The following NUFIP2 variants were observed in gnomAD, a reference collection of about 807,000 sequenced individuals.
The protein encoded by NUFIP2 is FMR1-interacting protein NUFIP2.
NUFIP2 carries 6 observed loss-of-function variants against 56.9 expected under a neutral mutation model. That is an observed-to-expected ratio of 0.11 (90% confidence interval 0.06 to 0.21). The LOEUF (loss-of-function observed/expected upper bound fraction) is 0.21. NUFIP2 is among the 10% of genes least tolerant of loss of function. NUFIP2 has a pLI of 1.00. For missense variants in NUFIP2, 828 were observed against 826.8 expected, an observed-to-expected ratio of 1.00 and a Z score of -0.02; for synonymous variants, 321 against 298.2, an observed-to-expected ratio of 1.08 and a Z score of -0.79.
chr17:29,288,782 A>G (rs1358689480), intron 1 of NUFIP2, among the ~76,000 whole-genome samples: 2 of 152,230 alleles, frequency 1.3e-5, no homozygotes, highest in African/African-American at 4.8e-5. Flanking sequence ...GACTCAAAAG[A>G]TGCAATGAGA....
intron 2 of NUFIP2, among the ~76,000 whole-genome samples, chr17:29,282,531 G>C (rs1430634094): frequency 4.1e-5 from 6 of 147,874 alleles, no homozygotes; most frequent in East Asian, 2.0e-4. Context: ...CTGGGCAACA[G>C]AGCAAGACCC....
chr17:29,282,491 T>C (rs1482997874), intron 2 of NUFIP2, among the ~76,000 whole-genome samples: 2 of 149,584 alleles, frequency 1.3e-5, no homozygotes, highest in Admixed American at 6.7e-5. Flanking sequence ...GAGGTTGCAG[T>C]GAGCCAAGAC....
At chr17:29,293,597 A>AG (rs2069231985) in intron 1 of NUFIP2, among the ~76,000 whole-genome samples, 186 bp downstream of exon 1, 1 of 151,886 alleles carries the variant, frequency 6.6e-6, no homozygotes, top group South Asian at 2.1e-4. Context: ...GCTGGAGGGA[A>AG]GGAGAGGGCG....
At chr17:29,292,130 T>C (rs2069217817) in intron 1 of NUFIP2, among the ~76,000 whole-genome samples, 1 of 152,198 alleles carries the variant, frequency 6.6e-6, no homozygotes, top group African/African-American at 2.4e-5. Context: ...CCTCAATTTC[T>C]CGTTTATTAA....
intron 1 of NUFIP2, among the ~76,000 whole-genome samples, chr17:29,289,969 G>T (rs574574777): frequency 6.6e-6 from 1 of 152,116 alleles, no homozygotes; most frequent in South Asian, 2.1e-4. Flanking sequence ...TGTGGCCCAG[G>T]TTGAAGTGCA....
chr17:29,267,369 T>C lies in NUFIP2; in HGVS notation c.2035+129A>G, dbSNP rs1032636934. On this transcript the variant is annotated intron_variant, in intron 3 of 3. Transcript: ENST00000225388. ...CTGCCCAGCTGCTAGTGCCTTTTGA[T>C]TGCAGTTATTAAATAACTCAAAATA... is the stretch of plus-strand genomic sequence containing the variant. The C allele has an allele frequency of 1.0e-5, 6 of 583,570 alleles. No homozygotes were observed. In the African/African-American group the frequency reaches 1.2e-4, roughly 11 times the overall value. 36.1% of individuals were successfully genotyped at this position (583,570 alleles called of 1,614,324 possible). A position where few individuals can be genotyped will look rare whatever the true frequency, so the allele number is the denominator to read the frequency against.
chr17:29,294,099 C>T lies in NUFIP2; in HGVS notation c.-40G>A, dbSNP rs189004421. On this transcript the variant is annotated 5_prime_UTR_variant, in exon 1 of 4. Coordinates refer to ENST00000225388, the MANE Select transcript of NUFIP2 (RefSeq NM_020772.3). The stretch of plus-strand genomic sequence containing the variant: ...ACTCCCTGGCTGAGGCTGCGGGCTG[C>T]TGCACCGTCAGGATCTGAGACTGCT... The T allele has an allele frequency of 6.5e-5, 101 of 1,561,080 alleles. 1 individual carries two copies. The East Asian group carries it at 2.1e-3, about 32-fold the overall frequency.
At chr17:29,272,017 G>A (rs1400519051) in intron 2 of NUFIP2, among the ~76,000 whole-genome samples, 1 of 132,196 alleles carries the variant, frequency 7.6e-6, no homozygotes, top group African/African-American at 2.8e-5. Context: ...AGATTGCAGT[G>A]AGCCCAGATC....
chr17:29,271,890 G>GTGAA, intron 2 of NUFIP2, among the ~76,000 whole-genome samples: 1 of 152,008 alleles, frequency 6.6e-6, no homozygotes, highest in East Asian at 1.9e-4. Flanking sequence ...GACCAACATG[G>GTGAA]TGAAATCCCA....
At chr17:29,290,150 G>A (rs2069202300) in intron 1 of NUFIP2, among the ~76,000 whole-genome samples, 1 of 151,988 alleles carries the variant, frequency 6.6e-6, no homozygotes, top group Non-Finnish European at 1.5e-5. Context: ...CTCCCAAAGT[G>A]CTGGGATTAC....
rs2068968300 is a variant in NUFIP2, at chr17:29,255,863, C to T, written c.*8676G>A. ...AGAAACTTTAAAATTTTTTATTCAA[C>T]AATGTACACTTATTGTCTCTCAATT... On this transcript the variant is annotated 3_prime_UTR_variant, in exon 4 of 4. Coordinates refer to ENST00000225388, the MANE Select transcript of NUFIP2 (RefSeq NM_020772.3). 1 of 152,134 alleles carries T rather than the reference C, an allele frequency of 6.6e-6. No individual in the cohort carries two copies. The highest frequency in any genetic ancestry group is 1.5e-5 in the Non-Finnish European group (1 of 68,002). The allele number at this position is 152,134 out of a possible 1,614,324, so 9.4% of individuals were successfully genotyped here.
At position 29,286,815 on chromosome 17, in the gene NUFIP2, T is replaced by C. The variant is rs1164491021; in HGVS notation, c.1179A>G (p.Gln393=). The C allele has an allele frequency of 6.2e-7, 1 of 1,614,180 alleles. No homozygotes were observed. Among genetic ancestry groups the C allele is most frequent in the Non-Finnish European group, 8.5e-7 (1 of 1,180,038 alleles). ...GGACCTGGGATAAGCGACTTGATGA[T>C]TGGGTCTGAGTTTCCCCGGTAGATG... ...SSSSTGETQT[Q]SSSRLSQVPM... The change falls in exon 2 of 4, where the codon CAA becomes CAG. Residue 393 remains glutamine, a synonymous_variant. Coordinates refer to ENST00000225388, the MANE Select transcript of NUFIP2 (RefSeq NM_020772.3).
rs550416785 is a variant in NUFIP2, at chr17:29,291,060, A to C, written c.277+2723T>G. Among the ~76,000 whole-genome samples, 8 of 151,730 alleles carry C rather than the reference A, an allele frequency of 5.3e-5. No homozygotes were observed. In the South Asian group the frequency reaches 1.7e-3, roughly 31 times the overall value. ...CAAAAAAAAAAAAAAAAAAGAAAAGAAAATCTTGTTTAACTACATAAAGTT... is the reference window on the plus strand; with the variant it reads ...CAAAAAAAAAAAAAAAAAAGAAAAGCAAATCTTGTTTAACTACATAAAGTT... On this transcript the variant is annotated intron_variant, in intron 1 of 3. Transcript: ENST00000225388.
intron 2 of NUFIP2, among the ~76,000 whole-genome samples, chr17:29,275,441 C>A (rs975064532): frequency 6.6e-6 from 1 of 152,042 alleles, no homozygotes; most frequent in Admixed American, 6.6e-5. Context: ...CAGAGAATGA[C>A]CCCAGGAAGG....
At chr17:29,267,347 C>T (rs889784490) in intron 3 of NUFIP2, 151 bp downstream of exon 3, 1 of 536,398 alleles carries the variant, frequency 1.9e-6, no homozygotes, top group Admixed American at 3.7e-5. Context: ...AGCCACCCTG[C>T]CCAGCTGCTA....
rs1035224327 is a variant in NUFIP2, at chr17:29,256,310, C to T, written c.*8229G>A. 1.4e-4 allele frequency: 21 copies of T among 152,200 alleles called. No homozygotes were observed. Among genetic ancestry groups the T allele is most frequent in the African/African-American group, 5.1e-4 (21 of 41,454 alleles). 9.4% of individuals were successfully genotyped at this position (152,200 alleles called of 1,614,324 possible). Reference sequence around the variant, plus strand: ...TCCTCCAGTAGGTTCTAAGACTGAACATAAGTGAACTACTGACAGATGCGG... The same window carrying T: ...TCCTCCAGTAGGTTCTAAGACTGAATATAAGTGAACTACTGACAGATGCGG... On this transcript the variant is annotated 3_prime_UTR_variant, in exon 4 of 4. Coordinates refer to ENST00000225388, the MANE Select transcript of NUFIP2 (RefSeq NM_020772.3).
At chr17:29,265,984 T>G (rs539851294) in intron 3 of NUFIP2, among the ~76,000 whole-genome samples, 1 of 152,304 alleles carries the variant, frequency 6.6e-6, no homozygotes, top group East Asian at 1.9e-4. Context: ...CTTTTCCTTT[T>G]TTTCAGACGA....
Position 29,286,879 on chromosome 17 carries a change from T to C in NUFIP2, c.1115A>G (p.Asn372Ser), listed in dbSNP as rs199591251. The C allele has an allele frequency of 1.0e-4, 169 of 1,613,820 alleles. No individual in the cohort carries two copies. Among genetic ancestry groups the C allele is most frequent in the Non-Finnish European group, 6.3e-5 (74 of 1,179,992 alleles). Residue 372 changes from asparagine to serine, a missense_variant, in exon 2 of 4, where the codon AAC becomes AGC. Transcript: ENST00000225388. ...VKENLNKTIQ[N>S]SSVSPTSSSS... ...AGATGAAGTTGGTGACACAGAAGAGTTCTGTATAGTTTTGTTGAGGTTTTC... is the reference window on the plus strand; with the variant it reads ...AGATGAAGTTGGTGACACAGAAGAGCTCTGTATAGTTTTGTTGAGGTTTTC...
At chr17:29,276,014 T>A (rs1319915674) in intron 2 of NUFIP2, among the ~76,000 whole-genome samples, 1 of 130,476 alleles carries the variant, frequency 7.7e-6, no homozygotes. Flanking sequence ...GGTGACAGAG[T>A]AAGACTCCGT....
Sources: allele counts gnomAD v4.1 joint callset (sites outside exome capture counted in the v4.1 genomes callset), GRCh38; gene constraint gnomAD v4.1.1; transcripts MANE v1.5; gene names NCBI Gene and HGNC (gene_info 2026-07-23, HGNC 2026-07-21).